The following FRMD4B variants were observed in gnomAD, a reference collection of about 807,000 sequenced individuals.
FRMD4B encodes FERM domain containing 4B, also known as FERM domain-containing protein 4B.
FRMD4B carries 74 observed loss-of-function variants against 141.5 expected under a neutral mutation model. The observed-to-expected ratio is 0.52, with a 90% CI of 0.43 to 0.63. The LOEUF (loss-of-function observed/expected upper bound fraction) is 0.63. Among genes scored for constraint, FRMD4B ranks in the 30% least tolerant of loss-of-function variants. FRMD4B has a pLI of 0.00. For synonymous variants in FRMD4B, 506 were observed against 467.9 expected (o/e 1.08, Z -1.05); for missense variants, 1,366 against 1,253.4 (o/e 1.09, Z -1.36).
intron 1 of FRMD4B, among the ~76,000 whole-genome samples, chr3:69,443,815 A>G (rs1316073018): frequency 6.6e-6 from 1 of 152,232 alleles, no homozygotes; most frequent in East Asian, 1.9e-4. Context: ...AAACTAATGA[A>G]AAGCCACAAG....
At chr3:69,456,015 A>G (rs759644491) in intron 1 of FRMD4B, among the ~76,000 whole-genome samples, 1 of 152,172 alleles carries the variant, frequency 6.6e-6, no homozygotes, top group Non-Finnish European at 1.5e-5. Flanking sequence ...TATGCACATC[A>G]AGGACTTAGT....
chr3:69,503,452 G>T (rs1052957216), intron 1 of FRMD4B, among the ~76,000 whole-genome samples: 9 of 147,256 alleles, frequency 6.1e-5, no homozygotes, highest in Non-Finnish European at 1.0e-4. Flanking sequence ...ACCAAACACT[G>T]CATGTTCTCA....
At chr3:69,250,021 G>A (rs761869244) in intron 6 of FRMD4B, 22 bp downstream of exon 6, 1 of 1,533,632 alleles carries the variant, frequency 6.5e-7, no homozygotes, top group Non-Finnish European at 9.0e-7. Flanking sequence ...GAGCTGCTAA[G>A]AGGCAGTTTG....
chr3:69,485,590 A>T (rs1375741474), intron 1 of FRMD4B, among the ~76,000 whole-genome samples: 1 of 152,198 alleles, frequency 6.6e-6, no homozygotes, highest in Non-Finnish European at 1.5e-5. Context: ...TGGAAGGGGT[A>T]GGGCTCCCGC....
At chr3:69,204,824 T>C (rs1386156370) in intron 11 of FRMD4B, among the ~76,000 whole-genome samples, 1 of 152,190 alleles carries the variant, frequency 6.6e-6, no homozygotes, top group Non-Finnish European at 1.5e-5. Context: ...TATTATCTTA[T>C]GGCGTCTTCC....
intron 7 of FRMD4B, among the ~76,000 whole-genome samples, chr3:69,236,704 T>C (rs1163891920): frequency 1.3e-5 from 2 of 152,144 alleles, no homozygotes; most frequent in African/African-American, 2.4e-5. Flanking sequence ...TTTATACTGA[T>C]TCAAAAAGCT....
intron 1 of FRMD4B, among the ~76,000 whole-genome samples, chr3:69,338,401 A>G (rs1175967789): frequency 6.6e-6 from 1 of 152,208 alleles, no homozygotes; most frequent in Non-Finnish European, 1.5e-5. Context: ...GCACATGTAT[A>G]TATATGTAAC....
chr3:69,516,847 G>C (rs1175017257), intron 1 of FRMD4B, among the ~76,000 whole-genome samples: 1 of 152,160 alleles, frequency 6.6e-6, no homozygotes, highest in African/African-American at 2.4e-5. Context: ...TGGGCTTGAT[G>C]GAACAGAGCT....
At chr3:69,493,358 C>T (rs536137761) in intron 1 of FRMD4B, among the ~76,000 whole-genome samples, 3 of 152,196 alleles carry the variant, frequency 2.0e-5, no homozygotes, top group Admixed American at 6.5e-5. Context: ...ATCAAGGCCA[C>T]GTGGGAGCAA....
At position 69,287,786 on chromosome 3, in the gene FRMD4B, A is replaced by G. The variant is rs1325648853; in HGVS notation, c.467T>C (p.Leu156Pro). 1.9e-6 allele frequency: 3 copies of G among 1,605,778 alleles called. No individual in the cohort carries two copies. The highest frequency in any genetic ancestry group is 1.7e-6 in the Non-Finnish European group (2 of 1,173,448). ...SFLKDKTTVE[L>P]FFLNAKACVH... Reference sequence around the variant, plus strand: ...ACAGGCCTTTGCATTCAGGAAAAACAGCTCCACGGTGGTTTTATCCTTTAA... The same window carrying G: ...ACAGGCCTTTGCATTCAGGAAAAACGGCTCCACGGTGGTTTTATCCTTTAA... Residue 156 changes from leucine (L) to proline (P), a missense_variant, in exon 5 of 23, where the codon CTG becomes CCG. Leu to Pro is a moderately conservative substitution (Grantham distance 98). Transcript: ENST00000398540.
chr3:69,216,161 A>AG, intron 11 of FRMD4B, 102 bp downstream of exon 11: 1 of 667,580 alleles, frequency 1.5e-6, no homozygotes, highest in South Asian at 1.8e-5. Context: ...CTCAAAAAAA[A>AG]CCAAAAAAAC....
rs924271880 is a variant in FRMD4B at position 69,496,390 on chromosome 3, G to A, written c.-129+45816C>T. ...CCCAGGACTGGCCAATCAAAACACT[G>A]AACCCTCTGGCCATATTGATTGATT... On this transcript the variant is annotated intron_variant, in intron 1 of 5. Coordinates refer to the FRMD4B transcript ENST00000459638. 1.6e-4 allele frequency among the ~76,000 whole-genome samples: 25 copies of A among 152,194 alleles called. No individual in the cohort carries two copies. In the South Asian group the frequency reaches 5.2e-3, roughly 32 times the overall value.
intron 1 of FRMD4B, among the ~76,000 whole-genome samples, chr3:69,532,424 AC>A (rs903127818): frequency 1.1e-4 from 16 of 152,206 alleles, no homozygotes; most frequent in African/African-American, 3.9e-4. Context: ...AGTGCAGCTG[AC>A]ACAGACAAAG....
intron 21 of FRMD4B, among the ~76,000 whole-genome samples, chr3:69,178,003 C>A (rs1303702653): frequency 2.6e-5 from 4 of 152,188 alleles, no homozygotes; most frequent in Non-Finnish European, 5.9e-5. Context: ...TACAGAGGAA[C>A]TGAACTGGAA....
At chr3:69,417,110 C>A (rs2106796889) in intron 2 of FRMD4B, among the ~76,000 whole-genome samples, 1 of 152,246 alleles carries the variant, frequency 6.6e-6, no homozygotes, top group Non-Finnish European at 1.5e-5. Flanking sequence ...AGTTCTAGAT[C>A]CTTGAGGAAT....
intron 16 of FRMD4B, among the ~76,000 whole-genome samples, chr3:69,194,820 T>A (rs1484020586): frequency 6.6e-6 from 1 of 152,182 alleles, no homozygotes; most frequent in African/African-American, 2.4e-5. Context: ...TGCCTATGAT[T>A]TGGGGAGTAA....
chr3:69,460,287 G>A (rs1036372904), intron 1 of FRMD4B, among the ~76,000 whole-genome samples: 4 of 152,302 alleles, frequency 2.6e-5, no homozygotes, highest in East Asian at 3.9e-4. Context: ...CCAGAGAACC[G>A]ACTGCTGTCT....
At chr3:69,287,649 T>C (rs1360462637) in intron 5 of FRMD4B, 103 bp downstream of exon 5, 2 of 684,614 alleles carry the variant, frequency 2.9e-6, no homozygotes, top group Admixed American at 5.0e-5. Flanking sequence ...GTGGCCTTTT[T>C]TTTTTTCTTA....
chr3:69,417,680 T>C (rs1379177206), intron 2 of FRMD4B, among the ~76,000 whole-genome samples: 2 of 152,226 alleles, frequency 1.3e-5, no homozygotes, highest in African/African-American at 4.8e-5. Flanking sequence ...AAGCAGACAC[T>C]ATCGCCATTA....
Sources: gnomAD v4.1 joint callset for allele counts (sites outside exome capture counted in the v4.1 genomes callset) on GRCh38, gnomAD v4.1.1 for gene constraint, MANE v1.5 for transcripts, NCBI Gene and HGNC (gene_info 2026-07-23, HGNC 2026-07-21) for gene names.